Variants in HOMER2 observed in about 807,000 individuals in gnomAD.
HOMER2 encodes homer scaffold protein 2.
A neutral mutation model predicts 47.0 loss-of-function variants in HOMER2; 27 were observed. The observed-to-expected ratio is 0.57, with a 90% confidence interval of 0.42 to 0.79. HOMER2 has a LOEUF of 0.79. Among genes scored for constraint, HOMER2 ranks in the 30% least tolerant of loss-of-function variants. The pLI, the probability that HOMER2 is intolerant of heterozygous loss-of-function variation, is 0.00. For synonymous variants in HOMER2, 161 were observed against 163.8 expected (o/e 0.98, Z 0.13); for missense variants, 443 against 435.0 (o/e 1.02, Z -0.16).
intron 2 of HOMER2, among the ~76,000 whole-genome samples, chr15:82,877,931 C>T (rs1445667280): frequency 1.3e-5 from 2 of 152,072 alleles, no homozygotes; most frequent in African/African-American, 4.8e-5. Flanking sequence ...GGGATTCTGG[C>T]TCAGCCCCAA....
At chr15:82,944,756 T>A (rs1008960295) in intron 1 of HOMER2, among the ~76,000 whole-genome samples, 2 of 152,166 alleles carry the variant, frequency 1.3e-5, no homozygotes, top group African/African-American at 4.8e-5. Context: ...TTTTTTTAAA[T>A]TTTTAATTTC....
intron 1 of HOMER2, among the ~76,000 whole-genome samples, chr15:82,904,504 G>C (rs1243657677): frequency 6.6e-6 from 1 of 152,154 alleles, no homozygotes; most frequent in African/African-American, 2.4e-5. Context: ...GGCAGGGGGA[G>C]GGGAATGCAG....
At chr15:82,866,260 A>C (rs58163129) in intron 3 of HOMER2, among the ~76,000 whole-genome samples, 1 of 152,252 alleles carries the variant, frequency 6.6e-6, no homozygotes, top group African/African-American at 2.4e-5. Context: ...TTAAGATTTG[A>C]CTGCCCTGCT....
In HOMER2 at chr15:82,851,367, T is replaced by A. The variant is rs565893992; in HGVS notation, c.763-136A>T. On this transcript the variant is annotated intron_variant, in intron 7 of 8. Coordinates refer to ENST00000450735, the MANE Select transcript of HOMER2 (RefSeq NM_004839.4). ...TTTGCATAGACAGTGATAGTGACCA[T>A]GCGAATACTTCATCTCAGGGAATTT... The A allele has an allele frequency of 4.6e-6, 3 of 650,378 alleles. No individual in the cohort carries two copies. In the East Asian group the frequency reaches 8.2e-5, roughly 18 times the overall value. The allele number at this position is 650,378 out of a possible 1,614,324, so 40.3% of individuals were successfully genotyped here. A position where few individuals can be genotyped will look rare whatever the true frequency, so the allele number is the denominator to read the frequency against.
At chr15:82,963,637 G>C (rs2054649700) in intron 1 of HOMER2, among the ~76,000 whole-genome samples, 1 of 152,174 alleles carries the variant, frequency 6.6e-6, no homozygotes, top group South Asian at 2.1e-4. Flanking sequence ...TGTTTAATAA[G>C]CACCTGGAGT....
At chr15:82,936,615 C>T (rs1042488242) in intron 1 of HOMER2, among the ~76,000 whole-genome samples, 1 of 152,188 alleles carries the variant, frequency 6.6e-6, no homozygotes, top group African/African-American at 2.4e-5. Flanking sequence ...CTCTGTCACC[C>T]AGACTGGACT....
chr15:82,901,555 C>CT (rs2053118365), intron 1 of HOMER2, among the ~76,000 whole-genome samples: 1 of 152,160 alleles, frequency 6.6e-6, no homozygotes, highest in Non-Finnish European at 1.5e-5. Context: ...CTAGGTTTAG[C>CT]AGATAAGGGA....
At chr15:82,942,998 A>G (rs1399131426) in intron 1 of HOMER2, among the ~76,000 whole-genome samples, 3 of 152,176 alleles carry the variant, frequency 2.0e-5, no homozygotes, top group Admixed American at 2.0e-4. Flanking sequence ...AGAGTGCCCA[A>G]GGGGATTAAG....
intron 3 of HOMER2, among the ~76,000 whole-genome samples, chr15:82,874,630 A>T (rs1305419608): frequency 6.6e-6 from 1 of 152,136 alleles, no homozygotes; most frequent in Non-Finnish European, 1.5e-5. Flanking sequence ...CCCTAGAAAA[A>T]AAGTAACATA....
At chr15:82,870,547 G>A (rs2052143699) in intron 3 of HOMER2, among the ~76,000 whole-genome samples, 2 of 152,152 alleles carry the variant, frequency 1.3e-5, no homozygotes, top group Non-Finnish European at 2.9e-5. Flanking sequence ...CCTGCCTCAG[G>A]ACTTCTTCAC....
chr15:82,876,788 G>C (rs2052362301), intron 2 of HOMER2, among the ~76,000 whole-genome samples: 1 of 152,230 alleles, frequency 6.6e-6, no homozygotes, highest in African/African-American at 2.4e-5. Context: ...ATGGCATAGG[G>C]CTTGCTTTCT....
At chr15:82,903,152 A>T (rs1171513557) in intron 1 of HOMER2, among the ~76,000 whole-genome samples, 1 of 152,206 alleles carries the variant, frequency 6.6e-6, no homozygotes, top group Admixed American at 6.5e-5. Context: ...ACCGGAAGCT[A>T]TTACTGAGGC....
chr15:82,868,892 T>G (rs1289602076), intron 3 of HOMER2, among the ~76,000 whole-genome samples: 1 of 151,716 alleles, frequency 6.6e-6, no homozygotes, highest in Admixed American at 6.6e-5. Context: ...CCCATTGAGG[T>G]AGGAGGCAGG....
At chr15:82,858,136 T>C (rs1307484912) in intron 5 of HOMER2, among the ~76,000 whole-genome samples, 1 of 152,232 alleles carries the variant, frequency 6.6e-6, no homozygotes, top group Non-Finnish European at 1.5e-5. Flanking sequence ...TTTATTTCTA[T>C]GTAGTTTATG....
At position 82,849,706 on chromosome 15, in the gene HOMER2, C is replaced by T. The variant is rs772280916; in HGVS notation, c.*9G>A. The T allele has an allele frequency of 1.2e-5, 19 of 1,609,962 alleles. No individual in the cohort carries two copies. Among genetic ancestry groups the T allele is most frequent in the South Asian group, 2.2e-5 (2 of 90,546 alleles). On this transcript the variant is annotated 3_prime_UTR_variant, in exon 9 of 9. Transcript: ENST00000450735. ...GGACTCACGGGCGGGGCCTGGGCCT[C>T]GGCCAGCCCTAGTTATCGGTGCCCA...
chr15:82,931,705 G>T (rs2054015851), intron 1 of HOMER2, among the ~76,000 whole-genome samples: 3 of 152,120 alleles, frequency 2.0e-5, no homozygotes, highest in Non-Finnish European at 4.4e-5. Flanking sequence ...GGGTGTGGTG[G>T]CATGCACCTG....
At chr15:82,916,991 G>A (rs1470312886) in intron 1 of HOMER2, among the ~76,000 whole-genome samples, 3 of 152,118 alleles carry the variant, frequency 2.0e-5, no homozygotes, top group Admixed American at 1.3e-4. Context: ...TAGTAGAGAC[G>A]GGGTTTCACC....
chr15:82,968,873 G>A (rs553493814), intron 1 of HOMER2, among the ~76,000 whole-genome samples: 7 of 152,198 alleles, frequency 4.6e-5, no homozygotes, highest in Non-Finnish European at 7.3e-5. Context: ...TTCACAGCCA[G>A]ACTATCTGGA....
At chr15:82,877,937 C>T (rs2052401415) in intron 2 of HOMER2, among the ~76,000 whole-genome samples, 1 of 151,950 alleles carries the variant, frequency 6.6e-6, no homozygotes, top group Admixed American at 6.6e-5. Context: ...CTGGCTCAGC[C>T]CCAAGCAGGG....
Sources: gnomAD v4.1 joint callset for allele counts (sites outside exome capture counted in the v4.1 genomes callset) on GRCh38, gnomAD v4.1.1 for gene constraint, MANE v1.5 for transcripts, NCBI Gene and HGNC (gene_info 2026-07-23, HGNC 2026-07-21) for gene names.